The following NAALADL2 variants were observed in gnomAD, a reference collection of about 807,000 sequenced individuals.
The protein encoded by NAALADL2 is inactive N-acetylated-alpha-linked acidic dipeptidase-like protein 2.
A neutral mutation model predicts 87.2 loss-of-function variants in NAALADL2; 76 were observed. The ratio of observed to expected loss-of-function variants is 0.87; its 90% CI spans 0.72 to 1.05. NAALADL2 has a LOEUF of 1.05. Ranked by LOEUF, NAALADL2 falls within the 50% of genes least tolerant of loss-of-function variation. NAALADL2 has a pLI of 0.00. For missense variants in NAALADL2, 1,089 were observed against 945.8 expected (o/e 1.15, Z -1.99); for synonymous variants, 354 against 331.0 (o/e 1.07, Z -0.75).
intron 11 of NAALADL2, among the ~76,000 whole-genome samples, chr3:175,654,197 TG>T (rs984483957): frequency 6.6e-6 from 1 of 152,214 alleles, no homozygotes; most frequent in African/African-American, 2.4e-5. Flanking sequence ...CCTTATATTC[TG>T]GTGTTGCTTC....
chr3:174,731,204 A>G (rs1732673626), intron 2 of NAALADL2, among the ~76,000 whole-genome samples: 1 of 152,106 alleles, frequency 6.6e-6, no homozygotes, highest in Non-Finnish European at 1.5e-5. Flanking sequence ...CTGAGCTGCA[A>G]TGCTGCCTCT....
At chr3:175,787,246 C>A (rs544215644) in intron 13 of NAALADL2, among the ~76,000 whole-genome samples, 2 of 152,080 alleles carry the variant, frequency 1.3e-5, no homozygotes, top group African/African-American at 4.8e-5. Context: ...CCACCCAGTT[C>A]GAGCTTCCCG....
At chr3:175,524,797 A>G (rs1303975800) in intron 9 of NAALADL2, among the ~76,000 whole-genome samples, 3 of 152,196 alleles carry the variant, frequency 2.0e-5, no homozygotes, top group Non-Finnish European at 4.4e-5. Context: ...CTTGTTAACA[A>G]GTGAGACATC....
At chr3:174,616,164 G>A (rs902985390) in intron 2 of NAALADL2, among the ~76,000 whole-genome samples, 2 of 151,752 alleles carry the variant, frequency 1.3e-5, no homozygotes, top group Non-Finnish European at 2.9e-5. Context: ...AATCGTTGAT[G>A]TTGTAAATCT....
At position 175,202,651 on chromosome 3, in the gene NAALADL2, G is replaced by A. The variant is rs185501595; in HGVS notation, c.546-31280G>A. 4.6e-5 allele frequency among the ~76,000 whole-genome samples: 7 copies of A among 152,214 alleles called. No homozygotes were observed. In the East Asian group the frequency reaches 5.8e-4, roughly 13 times the overall value. Reference sequence around the variant, plus strand: ...GCATCAGCTGTGGTAGTATGGAGACGAACTGGCAGTAGGCAGGTCCCTAGA... The same window carrying A: ...GCATCAGCTGTGGTAGTATGGAGACAAACTGGCAGTAGGCAGGTCCCTAGA... On this transcript the variant is annotated intron_variant, in intron 2 of 13. Transcript: ENST00000454872.
At chr3:175,393,999 T>C (rs756312363) in intron 5 of NAALADL2, among the ~76,000 whole-genome samples, 5 of 152,164 alleles carry the variant, frequency 3.3e-5, no homozygotes, top group Admixed American at 6.5e-5. Flanking sequence ...TTGTCTCATA[T>C]ACACTGTACC....
At chr3:174,834,887 C>G (rs115933055) in intron 3 of NAALADL2, among the ~76,000 whole-genome samples, 3,008 of 151,644 alleles carry the variant, frequency 0.02, 105 homozygotes, top group African/African-American at 0.068. Flanking sequence ...TTCATTTAAT[C>G]ACTGTAAAAT....
chr3:175,741,278 A>G (rs570576409), intron 12 of NAALADL2, among the ~76,000 whole-genome samples: 39 of 152,226 alleles, frequency 2.6e-4, no homozygotes, highest in African/African-American at 9.1e-4. Flanking sequence ...TCTTTTTGCT[A>G]TTAACTTCAC....
rs531888293 is a variant in NAALADL2, at chr3:175,613,924, T to C, written c.1801-13367T>C. On this transcript the variant is annotated intron_variant, in intron 10 of 13. Coordinates refer to ENST00000454872, the MANE Select transcript of NAALADL2 (RefSeq NM_207015.3). ...ATAATCTCCCATACATTAGGATATA[T>C]CCATCTATAGATATTCTCTTTGGGG... Among the ~76,000 whole-genome samples the C allele has an allele frequency of 2.0e-5, 3 of 152,312 alleles. No individual in the cohort carries two copies. In the South Asian group the frequency reaches 6.2e-4, roughly 32 times the overall value.
intron 1 of NAALADL2, among the ~76,000 whole-genome samples, chr3:174,875,109 T>G (rs1728327958): frequency 1.6e-5 from 1 of 63,806 alleles, no homozygotes; most frequent in Non-Finnish European, 2.6e-5. Flanking sequence ...TGAGACCCTG[T>G]CTCAAAAAAA....
chr3:174,796,247 C>T (rs145607870), intron 3 of NAALADL2, among the ~76,000 whole-genome samples: 352 of 152,302 alleles, frequency 2.3e-3, no homozygotes, highest in Non-Finnish European at 3.8e-3. Flanking sequence ...ATAACTCTAA[C>T]GGGTACAAGT....
intron 2 of NAALADL2, among the ~76,000 whole-genome samples, chr3:174,565,227 T>C (rs909463867): frequency 1.4e-4 from 22 of 152,114 alleles, no homozygotes; most frequent in African/African-American, 5.3e-4. Context: ...TATTGTACAT[T>C]CTATGGGTTT....
intron 11 of NAALADL2, among the ~76,000 whole-genome samples, chr3:175,685,406 C>G (rs1736133222): frequency 6.6e-6 from 1 of 151,342 alleles, no homozygotes; most frequent in African/African-American, 2.4e-5. Flanking sequence ...ATAAAGGAGA[C>G]ACATGGTGTC....
intron 11 of NAALADL2, among the ~76,000 whole-genome samples, chr3:175,655,734 A>T (rs368406534): frequency 1.0e-4 from 15 of 144,258 alleles, no homozygotes; most frequent in Non-Finnish European, 1.7e-4. Context: ...TAAAATAAAA[A>T]AACTTACAGT....
At chr3:174,570,364 A>G (rs1005365342) in intron 2 of NAALADL2, among the ~76,000 whole-genome samples, 28 of 152,118 alleles carry the variant, frequency 1.8e-4, no homozygotes, top group Admixed American at 6.5e-4. Context: ...TACCTGAAAT[A>G]TGGATTAAAT....
intron 1 of NAALADL2, among the ~76,000 whole-genome samples, chr3:174,997,953 A>G (rs1175761688): frequency 2.6e-5 from 4 of 152,190 alleles, no homozygotes; most frequent in Non-Finnish European, 5.9e-5. Context: ...AGTGTATTTA[A>G]CCATGTTTCC....
intron 11 of NAALADL2, among the ~76,000 whole-genome samples, chr3:175,693,353 AT>A (rs886452018): frequency 3.3e-5 from 5 of 152,162 alleles, no homozygotes; most frequent in Non-Finnish European, 5.9e-5. Context: ...ATATGGCTAA[AT>A]TCCACCCCAA....
At chr3:175,428,751 C>G (rs1458138380) in intron 5 of NAALADL2, among the ~76,000 whole-genome samples, 2 of 152,172 alleles carry the variant, frequency 1.3e-5, no homozygotes, top group Admixed American at 6.6e-5. Flanking sequence ...ATTGCATCCT[C>G]TTTTAAAGCT....
At chr3:175,334,162 A>G (rs1359707208) in intron 5 of NAALADL2, among the ~76,000 whole-genome samples, 3 of 152,160 alleles carry the variant, frequency 2.0e-5, no homozygotes, top group Admixed American at 2.0e-4. Flanking sequence ...GATATTTAGA[A>G]TCAATATCTG....
Sources: allele counts gnomAD v4.1 joint callset (sites outside exome capture counted in the v4.1 genomes callset), GRCh38; gene constraint gnomAD v4.1.1; transcripts MANE v1.5; gene names NCBI Gene and HGNC (gene_info 2026-07-23, HGNC 2026-07-21).